Variants in SPIDR observed in about 807,000 individuals in gnomAD.
The protein encoded by SPIDR is scaffold protein involved in DNA repair.
Under a neutral mutation model 104.6 loss-of-function variants are expected in SPIDR, and 93 were observed. The observed-to-expected ratio is 0.89, with a 90% CI of 0.75 to 1.06. SPIDR has a LOEUF of 1.06. Among genes scored for constraint, SPIDR ranks in the 50% least tolerant of loss-of-function variants. The probability of loss-of-function intolerance (pLI) is 0.00; values close to 1 mark genes in which losing one functional copy is unlikely to be tolerated. For missense variants in SPIDR, 1,154 were observed against 1,111.2 expected (o/e 1.04, Z -0.55); for synonymous variants, 431 against 416.9 (o/e 1.03, Z -0.41).
chr8:47,556,219 C>T (rs888582265), intron 8 of SPIDR, among the ~76,000 whole-genome samples: 2 of 152,202 alleles, frequency 1.3e-5, no homozygotes, highest in Non-Finnish European at 2.9e-5. Context: ...AGATAGCTGG[C>T]TGATCTTAGA....
chr8:47,367,488 G>A (rs2057375881), intron 5 of SPIDR, among the ~76,000 whole-genome samples: 1 of 152,182 alleles, frequency 6.6e-6, no homozygotes. Context: ...GTTGCTTTAA[G>A]CCACTAAGTT....
intron 5 of SPIDR, among the ~76,000 whole-genome samples, chr8:47,380,602 G>A (rs931530133): frequency 2.6e-5 from 4 of 152,016 alleles, no homozygotes; most frequent in Non-Finnish European, 5.9e-5. Flanking sequence ...CAGAGCAGGT[G>A]CCAGGCTGAC....
intron 8 of SPIDR, among the ~76,000 whole-genome samples, chr8:47,539,247 C>T (rs550265604): frequency 6.6e-6 from 1 of 152,118 alleles, no homozygotes; most frequent in Middle Eastern, 3.2e-3. Flanking sequence ...CGGAGATTAA[C>T]CTTTTTAAAA....
intron 10 of SPIDR, among the ~76,000 whole-genome samples, chr8:47,627,005 T>C (rs770366515): frequency 9.9e-5 from 15 of 152,190 alleles, no homozygotes; most frequent in Non-Finnish European, 1.9e-4. Flanking sequence ...CCAACAGCGA[T>C]AGACTGGATT....
In SPIDR at chr8:47,610,342, A is replaced by G. The variant is rs547319964; in HGVS notation, c.1544+11146A>G. ...TGAGATGACGGCACAGAGAAGAGCC[A>G]TGGGAGACAGAGCACACAGCCTGGC... On this transcript the variant is annotated intron_variant, in intron 10 of 19. Transcript: ENST00000297423. Among the ~76,000 whole-genome samples the G allele has an allele frequency of 3.3e-5, 5 of 152,254 alleles. No homozygotes were observed. The East Asian group carries it at 5.8e-4, about 18-fold the overall frequency.
At chr8:47,463,101 G>A (rs2074210247) in intron 8 of SPIDR, among the ~76,000 whole-genome samples, 1 of 152,248 alleles carries the variant, frequency 6.6e-6, no homozygotes, top group South Asian at 2.1e-4. Context: ...ACTCACGCCT[G>A]TAATCCCAGC....
chr8:47,275,341 G>A (rs1372053806), intron 1 of SPIDR, among the ~76,000 whole-genome samples: 1 of 151,782 alleles, frequency 6.6e-6, no homozygotes, highest in Non-Finnish European at 1.5e-5. Context: ...GATAATATAA[G>A]CATTTGGATC....
At chr8:47,702,322 C>T (rs1260682868) in intron 14 of SPIDR, among the ~76,000 whole-genome samples, 2 of 152,138 alleles carry the variant, frequency 1.3e-5, no homozygotes, top group African/African-American at 4.8e-5. Flanking sequence ...CCAGGTACAA[C>T]CCTGTCCCCA....
chr8:47,308,108 C>T (rs1351746301), intron 5 of SPIDR, among the ~76,000 whole-genome samples: 6 of 152,042 alleles, frequency 3.9e-5, no homozygotes, highest in African/African-American at 1.4e-4. Context: ...GTTGCCCAGG[C>T]TGGAGTGCAG....
In SPIDR at chr8:47,325,141, AG is replaced by A. The variant is rs373839098; in HGVS notation, c.525+31112del. On this transcript the variant is annotated intron_variant, in intron 5 of 19. Coordinates refer to ENST00000297423, the MANE Select transcript of SPIDR (RefSeq NM_001080394.4). ...GGGAGGACACAATTTAGCCTATAAT[AG>A]TGCTATAAAGAGAAGTTCAAAAATG... is the stretch of plus-strand genomic sequence containing the variant. Among the ~76,000 whole-genome samples, 110 of 152,328 alleles carry A rather than the reference AG, an allele frequency of 7.2e-4. 1 individual carries two copies. The highest frequency in any genetic ancestry group is 1.4e-3 in the African/African-American group (57 of 41,574).
At chr8:47,455,400 G>A (rs782077525) in intron 8 of SPIDR, among the ~76,000 whole-genome samples, 4 of 151,324 alleles carry the variant, frequency 2.6e-5, no homozygotes, top group Non-Finnish European at 4.4e-5. Flanking sequence ...AAATTAAAAT[G>A]AAACACACAC....
chr8:47,625,457 A>G (rs182194070), intron 10 of SPIDR, among the ~76,000 whole-genome samples: 3 of 152,216 alleles, frequency 2.0e-5, no homozygotes, highest in Non-Finnish European at 4.4e-5. Context: ...GTCCCTGTTT[A>G]CAGATGACAT....
intron 5 of SPIDR, among the ~76,000 whole-genome samples, chr8:47,390,067 G>A (rs1244758903): frequency 1.3e-5 from 2 of 152,100 alleles, no homozygotes; most frequent in African/African-American, 4.8e-5. Flanking sequence ...CACTTAAGTA[G>A]GAGAGATAAA....
chr8:47,342,677 G>A (rs2051017885), intron 5 of SPIDR, among the ~76,000 whole-genome samples: 1 of 152,030 alleles, frequency 6.6e-6, no homozygotes, highest in Admixed American at 6.6e-5. Flanking sequence ...GTAGCTTTTA[G>A]CACACATTGT....
chr8:47,612,702 C>T (rs934869972), intron 10 of SPIDR, among the ~76,000 whole-genome samples: 4 of 152,226 alleles, frequency 2.6e-5, no homozygotes, highest in African/African-American at 7.2e-5. Context: ...AGCCACATAC[C>T]TGTGAGCACT....
chr8:47,303,736 T>G (rs1317223890), intron 5 of SPIDR, among the ~76,000 whole-genome samples: 5 of 152,234 alleles, frequency 3.3e-5, no homozygotes, highest in Non-Finnish European at 7.3e-5. Context: ...ATCCTTTTAA[T>G]GTGCTGTTGA....
At chr8:47,466,913 A>G in intron 8 of SPIDR, among the ~76,000 whole-genome samples, 1 of 108,714 alleles carries the variant, frequency 9.2e-6, no homozygotes, top group Non-Finnish European at 1.8e-5. Context: ...ATATATATAT[A>G]TAGATAGATA....
intron 8 of SPIDR, among the ~76,000 whole-genome samples, chr8:47,583,874 C>T (rs1051253319): frequency 8.5e-5 from 13 of 152,194 alleles, no homozygotes; most frequent in African/African-American, 1.9e-4. Context: ...CCAGAGGGGC[C>T]GCCCTTGGAG....
In SPIDR at chr8:47,582,076, G is replaced by T. The variant is rs567069492; in HGVS notation, c.1098-13735G>T. On this transcript the variant is annotated intron_variant, in intron 8 of 19. Coordinates refer to ENST00000297423, the MANE Select transcript of SPIDR (RefSeq NM_001080394.4). The stretch of plus-strand genomic sequence containing the variant: ...TACTAAAAATACAAAAATTAGCCAG[G>T]CGTGGTGGCGGGTGCCTGTAATCTC... 2.4e-4 allele frequency among the ~76,000 whole-genome samples: 36 copies of T among 152,234 alleles called. No individual in the cohort carries two copies. The South Asian group carries it at 7.5e-3, about 32-fold the overall frequency.
Sources: gnomAD v4.1 joint callset for allele counts (sites outside exome capture counted in the v4.1 genomes callset) on GRCh38, gnomAD v4.1.1 for gene constraint, MANE v1.5 for transcripts, NCBI Gene and HGNC (gene_info 2026-07-23, HGNC 2026-07-21) for gene names.